The following GLO1 variants were observed in gnomAD, a reference collection of about 807,000 sequenced individuals.
GLO1 encodes the protein lactoylglutathione lyase.
GLO1 carries 28 observed loss-of-function variants against 26.0 expected under a neutral mutation model. That is an observed-to-expected ratio of 1.08 (90% confidence interval 0.80 to 1.48). The LOEUF is 1.48. GLO1 is among the 40% of genes most tolerant of loss of function. The pLI, the probability that GLO1 is intolerant of heterozygous loss-of-function variation, is 0.00. For synonymous variants in GLO1, 78 were observed against 77.6 expected, an observed-to-expected ratio of 1.00 and a Z score of -0.03; for missense variants, 225 against 224.8, an observed-to-expected ratio of 1.00 and a Z score of -0.01.
Position 38,682,058 on chromosome 6 carries a change from T to G in GLO1, c.420A>C (p.Lys140Asn). Residue 140 changes from lysine to asparagine, a missense_variant, in exon 5 of 6, where the codon AAA becomes AAC. Lys to Asn is a moderately conservative substitution (Grantham distance 94). Coordinates refer to ENST00000373365, the MANE Select transcript of GLO1 (RefSeq NM_006708.3). ...IAVPDVYSAC[K>N]RFEELGVKFV... ...ATTTGACTCCCAGTTCTTCAAACCTTTTACAAGCACTGTATACATCAGGAA... is the reference window on the plus strand; with the variant it reads ...ATTTGACTCCCAGTTCTTCAAACCTGTTACAAGCACTGTATACATCAGGAA... The G allele has an allele frequency of 1.3e-6, 2 of 1,598,720 alleles. No homozygotes were observed. Among genetic ancestry groups the G allele is most frequent in the Non-Finnish European group, 1.7e-6 (2 of 1,165,986 alleles).
chr6:38,692,720 T>G (rs1007580360), intron 1 of GLO1, among the ~76,000 whole-genome samples: 1 of 151,876 alleles, frequency 6.6e-6, no homozygotes, highest in African/African-American at 2.4e-5. Context: ...TATTTTTTTC[T>G]GAACTTAAAA....
intron 1 of GLO1, among the ~76,000 whole-genome samples, chr6:38,701,721 T>G (rs1010461549): frequency 3.3e-5 from 5 of 152,158 alleles, no homozygotes; most frequent in Non-Finnish European, 1.5e-5. Context: ...GTTTTAGCAA[T>G]GAGATGTGTC....
chr6:38,690,443 C>A (rs781655868), intron 1 of GLO1, among the ~76,000 whole-genome samples: 1 of 151,984 alleles, frequency 6.6e-6, no homozygotes. Context: ...TAAAATGCTG[C>A]GTCGAGGTAT....
chr6:38,693,658 G>GTT (rs1761561540), intron 1 of GLO1, among the ~76,000 whole-genome samples: 1 of 127,564 alleles, frequency 7.8e-6, no homozygotes, highest in Non-Finnish European at 1.6e-5. Flanking sequence ...TTTTCATTCA[G>GTT]CTCTCTCTCT....
chr6:38,701,271 T>C lies in GLO1; in HGVS notation c.84+1700A>G, dbSNP rs117414559. On this transcript the variant is annotated intron_variant, in intron 1 of 5. Coordinates refer to ENST00000373365, the MANE Select transcript of GLO1 (RefSeq NM_006708.3). Reference sequence around the variant, plus strand: ...AATTATGCCTTCTTCATAGGGTTGTTGTTAGGATTAAATTAAACAATGTAC... The same window carrying C: ...AATTATGCCTTCTTCATAGGGTTGTCGTTAGGATTAAATTAAACAATGTAC... Among the ~76,000 whole-genome samples, 90 of 152,280 alleles carry C rather than the reference T, an allele frequency of 5.9e-4. 1 individual carries two copies. The East Asian group carries it at 0.015, about 25-fold the overall frequency.
chr6:38,703,042 GC>G lies in GLO1; in HGVS notation c.12del (p.Gln5SerfsTer35). The stretch of plus-strand genomic sequence containing the variant: ...TCCGTGAGGCCGCCGGACGGGGGCT[GC>G]GGTTCTGCCATGGCTGCGCTGCAGT... MAE[P>X]QPPSGGLTDE... On this transcript the variant is annotated frameshift_variant, in exon 1 of 6. Coordinates refer to ENST00000373365, the MANE Select transcript of GLO1 (RefSeq NM_006708.3). LOFTEE classifies it high-confidence loss of function. 1 of 1,588,004 alleles carries G rather than the reference GC, an allele frequency of 6.3e-7. No homozygotes were observed. Among genetic ancestry groups the G allele is most frequent in the Non-Finnish European group, 8.6e-7 (1 of 1,161,228 alleles).
In GLO1 at chr6:38,677,297, A is replaced by T; in HGVS notation, c.553T>A (p.Ter185LysextTer80). 1 of 1,369,476 alleles carries T rather than the reference A, an allele frequency of 7.3e-7. No homozygotes were observed. The highest frequency in any genetic ancestry group is 1.0e-6 in the Non-Finnish European group (1 of 956,674). The allele number at this position is 1,369,476 out of a possible 1,614,324, so 84.8% of individuals were successfully genotyped here. Residue 185 changes from the stop codon to lysine, a stop_lost, in exon 6 of 6, where the codon TAG (stop) becomes AAG (lysine). Transcript: ENST00000373365. ...LNPNKMATLM[*>K] The stretch of plus-strand genomic sequence containing the variant: ...CTCAAAGGAGAATTCTCACAGCACT[A>T]CATTAAGGTTGCCATTTTGTTAGGA...
intron 2 of GLO1, among the ~76,000 whole-genome samples, chr6:38,684,938 G>T (rs2127546643): frequency 6.6e-6 from 1 of 152,254 alleles, no homozygotes; most frequent in East Asian, 1.9e-4. Context: ...TTCTTACTAT[G>T]CCAAAACATC....
intron 2 of GLO1, 121 bp downstream of exon 2, chr6:38,686,771 C>T (rs779977172): frequency 6.5e-6 from 4 of 613,266 alleles, no homozygotes; most frequent in Non-Finnish European, 1.2e-5. Flanking sequence ...TAATCACAGA[C>T]TCCTGGCCAA....
At chr6:38,702,522 G>C (rs1205142453) in intron 1 of GLO1, among the ~76,000 whole-genome samples, 1 of 152,144 alleles carries the variant, frequency 6.6e-6, no homozygotes, top group Non-Finnish European at 1.5e-5. Context: ...TTCTGGGCGC[G>C]GTTAAACTTA....
intron 1 of GLO1, among the ~76,000 whole-genome samples, chr6:38,699,895 C>A (rs185349472): frequency 6.6e-6 from 1 of 152,244 alleles, no homozygotes; most frequent in South Asian, 2.1e-4. Context: ...CTTTGTTGGA[C>A]CCTTATCAGT....
At position 38,677,246 on chromosome 6, in the gene GLO1, TCA is replaced by T. The variant is rs761808625; in HGVS notation, c.*47_*48del. 1.2e-6 allele frequency: 1 copy of T among 866,402 alleles called. No individual in the cohort carries two copies. 53.7% of individuals were successfully genotyped at this position (866,402 alleles called of 1,614,324 possible). ...GCTTCTGGTATGTAAATATCTTGAA[TCA>T]CATTGTTTCCTTTCTTCTGAAATCT... On this transcript the variant is annotated 3_prime_UTR_variant, in exon 6 of 6. Coordinates refer to ENST00000373365, the MANE Select transcript of GLO1 (RefSeq NM_006708.3).
At chr6:38,687,091 A>G in intron 1 of GLO1, 117 bp from the exon 2 acceptor site, 1 of 1,467,374 alleles carries the variant, frequency 6.8e-7, no homozygotes, top group South Asian at 1.5e-5. Context: ...TACAACTTGC[A>G]AGGGCTCTCT....
intron 2 of GLO1, 64 bp from the exon 3 acceptor site, chr6:38,684,578 C>A: frequency 9.4e-7 from 1 of 1,065,288 alleles, no homozygotes; most frequent in South Asian, 3.1e-5. Flanking sequence ...ATACTATAAT[C>A]AACATAACTT....
At chr6:38,696,732 G>A (rs1761615741) in intron 1 of GLO1, among the ~76,000 whole-genome samples, 1 of 152,126 alleles carries the variant, frequency 6.6e-6, no homozygotes, top group African/African-American at 2.4e-5. Flanking sequence ...ATTACCCTCA[G>A]TCTGCAGAAA....
At chr6:38,694,324 T>C (rs775630398) in intron 1 of GLO1, among the ~76,000 whole-genome samples, 1 of 152,134 alleles carries the variant, frequency 6.6e-6, no homozygotes, top group Non-Finnish European at 1.5e-5. Context: ...TATTTGTTGA[T>C]GGTATTGCTG....
chr6:38,684,351 TA>T, intron 3 of GLO1, 22 bp downstream of exon 3: 1 of 1,227,254 alleles, frequency 8.1e-7, no homozygotes. Flanking sequence ...ATAATATATA[TA>T]AATATAGAAA....
rs1321127189 is a variant in GLO1 at position 38,676,611 on chromosome 6, C to T, written c.*684G>A. 1 of 152,208 alleles carries T rather than the reference C, an allele frequency of 6.6e-6. No homozygotes were observed. Among genetic ancestry groups the T allele is most frequent in the South Asian group, 2.1e-4 (1 of 4,834 alleles). 9.4% of individuals were successfully genotyped at this position (152,208 alleles called of 1,614,324 possible). A position where few individuals can be genotyped will look rare whatever the true frequency, so the allele number is the denominator to read the frequency against. On this transcript the variant is annotated 3_prime_UTR_variant, in exon 6 of 6. Transcript: ENST00000373365. ...ATGAAAGTGATTTCACATGCCTAGC[C>T]TGCTTTCTTTCTCACATGACAGCTG...
intron 1 of GLO1, among the ~76,000 whole-genome samples, chr6:38,688,699 C>T (rs1761490474): frequency 6.6e-6 from 1 of 152,216 alleles, no homozygotes; most frequent in South Asian, 2.1e-4. Context: ...AGCACTGGTT[C>T]TCAGTCTCAG....
Sources: gnomAD v4.1 joint callset for allele counts (sites outside exome capture counted in the v4.1 genomes callset) on GRCh38, gnomAD v4.1.1 for gene constraint, MANE v1.5 for transcripts, NCBI Gene and HGNC (gene_info 2026-07-23, HGNC 2026-07-21) for gene names.